The following ROBO2 variants were observed in gnomAD, a reference collection of about 807,000 sequenced individuals.
The protein encoded by ROBO2 is roundabout homolog 2.
A neutral mutation model predicts 160.8 loss-of-function variants in ROBO2; 53 were observed. The ratio of observed to expected loss-of-function variants is 0.33; its 90% CI spans 0.26 to 0.41. The LOEUF (loss-of-function observed/expected upper bound fraction) is 0.41, where lower values mean the gene tolerates loss of function less well. Ranked by LOEUF, ROBO2 falls within the 10% of genes least tolerant of loss-of-function variation. ROBO2 has a pLI of 1.00. For missense variants in ROBO2, 1,577 were observed against 1,722.4 expected, an observed-to-expected ratio of 0.92 and a Z score of 1.49; for synonymous variants, 664 against 611.7, an observed-to-expected ratio of 1.09 and a Z score of -1.26.
chr3:77,300,871 T>C (rs1480199352), intron 2 of ROBO2, among the ~76,000 whole-genome samples: 1 of 151,118 alleles, frequency 6.6e-6, no homozygotes, highest in East Asian at 1.9e-4. Context: ...TTTATTTATT[T>C]ATTTATTTAT....
rs2061904679 is a variant in ROBO2 at position 77,295,149 on chromosome 3, T to G, written c.389-182265T>G. Among the ~76,000 whole-genome samples the G allele has an allele frequency of 1.3e-5, 2 of 148,758 alleles. 1 individual carries two copies. Among genetic ancestry groups the G allele is most frequent in the African/African-American group, 5.1e-5 (2 of 39,162 alleles). On this transcript the variant is annotated intron_variant, in intron 2 of 25. Transcript: ENST00000461745. ...GGTCACCCCAGATATAAAGTAAAAT[T>G]GACGGTTAAACGGGTAAGCTGAGGC...
chr3:76,267,840 G>A (rs1707189104), intron 2 of ROBO2, among the ~76,000 whole-genome samples: 1 of 152,008 alleles, frequency 6.6e-6, no homozygotes. Flanking sequence ...CACCCTAAAA[G>A]CAATTACTTA....
At chr3:77,203,799 T>C (rs1206169961) in intron 2 of ROBO2, among the ~76,000 whole-genome samples, 1 of 152,226 alleles carries the variant, frequency 6.6e-6, no homozygotes, top group East Asian at 1.9e-4. Flanking sequence ...GCTGCAACTC[T>C]ATGAGACAGG....
At chr3:76,977,001 C>G (rs1365950126) in intron 2 of ROBO2, among the ~76,000 whole-genome samples, 1 of 152,078 alleles carries the variant, frequency 6.6e-6, no homozygotes, top group Admixed American at 6.6e-5. Context: ...CTTTTCTAGA[C>G]TTTGGTTTAT....
intron 2 of ROBO2, among the ~76,000 whole-genome samples, chr3:77,288,695 A>G (rs767196296): frequency 2.0e-4 from 31 of 152,168 alleles, no homozygotes; most frequent in Admixed American, 4.6e-4. Context: ...GAACAACTGC[A>G]TTAACAGAAT....
At chr3:75,939,805 T>A (rs557944146) in intron 2 of ROBO2, among the ~76,000 whole-genome samples, 1 of 152,260 alleles carries the variant, frequency 6.6e-6, no homozygotes, top group East Asian at 1.9e-4. Context: ...AATAAAAGTT[T>A]TAAAAATTAA....
intron 2 of ROBO2, among the ~76,000 whole-genome samples, chr3:76,135,298 G>A (rs1284358004): frequency 6.6e-6 from 1 of 151,996 alleles, no homozygotes; most frequent in Non-Finnish European, 1.5e-5. Flanking sequence ...ACCCGTCAAG[G>A]TACTGATAGA....
intron 2 of ROBO2, among the ~76,000 whole-genome samples, chr3:77,321,726 T>C (rs1429388986): frequency 1.3e-5 from 2 of 152,078 alleles, no homozygotes; most frequent in Non-Finnish European, 2.9e-5. Flanking sequence ...GAATGAGCTA[T>C]AATTTAGACA....
chr3:76,755,730 C>CATT (rs1186732024), intron 2 of ROBO2, among the ~76,000 whole-genome samples: 4 of 151,804 alleles, frequency 2.6e-5, no homozygotes, highest in African/African-American at 9.7e-5. Flanking sequence ...TCAGTAAATA[C>CATT]ATTAATCAGT....
intron 2 of ROBO2, among the ~76,000 whole-genome samples, chr3:76,596,808 T>G (rs1578404300): frequency 6.6e-6 from 1 of 152,240 alleles, no homozygotes; most frequent in Middle Eastern, 3.4e-3. Flanking sequence ...GAGACATTGA[T>G]TTTAACAGCT....
intron 2 of ROBO2, among the ~76,000 whole-genome samples, chr3:76,655,305 G>A (rs1398895554): frequency 1.4e-5 from 2 of 147,248 alleles, no homozygotes; most frequent in African/African-American, 5.0e-5. Flanking sequence ...ACACAAACAA[G>A]GTATAATATT....
At chr3:76,367,226 C>T (rs1396451855) in intron 2 of ROBO2, among the ~76,000 whole-genome samples, 1 of 151,996 alleles carries the variant, frequency 6.6e-6, no homozygotes, top group Non-Finnish European at 1.5e-5. Flanking sequence ...ATCTAACATT[C>T]TGAACAATTG....
intron 2 of ROBO2, among the ~76,000 whole-genome samples, chr3:76,049,393 A>G (rs1440677080): frequency 7.0e-5 from 5 of 71,386 alleles, no homozygotes; most frequent in African/African-American, 5.0e-4. Flanking sequence ...GTATATATAT[A>G]TATATATATA....
rs548299339 is a variant in ROBO2 at position 76,371,670 on chromosome 3, T to C, written c.109+434068T>C. On this transcript the variant is annotated intron_variant, in intron 2 of 26. Transcript: ENST00000487694. Reference sequence around the variant, plus strand: ...TGATATTTTCAAACTGTGACTGCTATAGATTTTGTATAACATCAACATCAC... The same window carrying C: ...TGATATTTTCAAACTGTGACTGCTACAGATTTTGTATAACATCAACATCAC... 2.6e-4 allele frequency among the ~76,000 whole-genome samples: 40 copies of C among 152,078 alleles called. 1 individual carries two copies. Among genetic ancestry groups the C allele is most frequent in the African/African-American group, 9.6e-4 (40 of 41,544 alleles).
At chr3:76,086,763 C>A (rs1576800808) in intron 2 of ROBO2, among the ~76,000 whole-genome samples, 1 of 152,098 alleles carries the variant, frequency 6.6e-6, no homozygotes, top group African/African-American at 2.4e-5. Flanking sequence ...TATTTAGTAA[C>A]TATGATCAAT....
At chr3:75,979,434 A>G (rs2065219049) in intron 2 of ROBO2, among the ~76,000 whole-genome samples, 1 of 151,560 alleles carries the variant, frequency 6.6e-6, no homozygotes, top group African/African-American at 2.4e-5. Flanking sequence ...GATCAGCCCA[A>G]GTGGATAGTG....
chr3:76,864,384 T>C (rs952026547), intron 2 of ROBO2, among the ~76,000 whole-genome samples: 1 of 152,104 alleles, frequency 6.6e-6, no homozygotes, highest in Non-Finnish European at 1.5e-5. Context: ...CCAATCTTCC[T>C]TCACTTCATC....
chr3:76,386,217 T>C (rs1437131651), intron 2 of ROBO2, among the ~76,000 whole-genome samples: 1 of 152,124 alleles, frequency 6.6e-6, no homozygotes, highest in Non-Finnish European at 1.5e-5. Context: ...TAAACACATA[T>C]TTTTAGATTA....
At chr3:76,351,181 C>T (rs951200922) in intron 2 of ROBO2, among the ~76,000 whole-genome samples, 1 of 151,870 alleles carries the variant, frequency 6.6e-6, no homozygotes, top group Non-Finnish European at 1.5e-5. Context: ...GAAAGTTTAT[C>T]ATTATGCCAA....
Sources: allele counts gnomAD v4.1 joint callset (sites outside exome capture counted in the v4.1 genomes callset), GRCh38; gene constraint gnomAD v4.1.1; transcripts MANE v1.5; gene names NCBI Gene and HGNC (gene_info 2026-07-23, HGNC 2026-07-21).